HMX1: variants seen among roughly 807,000 people sequenced by gnomAD.
The protein encoded by HMX1 is H6 family homeobox 1.
Under a neutral mutation model 8.9 loss-of-function variants are expected in HMX1, and 8 were observed. The observed-to-expected ratio is 0.90, with a 90% CI of 0.53 to 1.63. The LOEUF (loss-of-function observed/expected upper bound fraction) is 1.63, where lower values mean the gene tolerates loss of function less well. Ranked by LOEUF, HMX1 falls within the 40% of genes most tolerant of loss-of-function variation. The pLI is 0.00. For synonymous variants in HMX1, 311 were observed against 283.4 expected (o/e 1.10, Z -0.98); for missense variants, 621 against 558.5 (o/e 1.11, Z -1.13).
intron 1 of HMX1, chr4:8,858,589 G>C (rs1721690660): frequency 6.6e-6 from 1 of 152,200 alleles, no homozygotes; most frequent in African/African-American, 2.4e-5. Flanking sequence ...CCCTCGCCCG[G>C]ACGTCATGGG....
In HMX1 at chr4:8,871,744, A is replaced by AGGCGTCGGGCCCCGCC. The variant is rs1560188334; in HGVS notation, c.-131_-130insGGCGGGGCCCGACGCC. 9.9e-7 allele frequency: 1 copy of AGGCGTCGGGCCCCGCC among 1,011,368 alleles called. No individual in the cohort carries two copies. Among genetic ancestry groups the AGGCGTCGGGCCCCGCC allele is most frequent in the Non-Finnish European group, 1.2e-6 (1 of 847,392 alleles). 62.6% of individuals were successfully genotyped at this position (1,011,368 alleles called of 1,614,324 possible). On this transcript the variant is annotated 5_prime_UTR_variant, in exon 1 of 2. Transcript: ENST00000400677. This position sits in a 1 kb window ranked among gnomAD's most constrained non-coding sequence, Gnocchi z 4.8. ...CCGGACCGCTGGCGTCGGGCCCCGCAGGGCAGGCGGCGGCCTCCGCGCCGG... is the reference window on the plus strand; with the variant it reads ...CCGGACCGCTGGCGTCGGGCCCCGCAGGCGTCGGGCCCCGCCGGGCAGGCGGCGGCCTCCGCGCCGG...
chr4:8,862,188 G>C (rs1269199353), downstream of HMX1, among the ~76,000 whole-genome samples: 1 of 152,256 alleles, frequency 6.6e-6, no homozygotes, highest in African/African-American at 2.4e-5. Context: ...TCATTCTACA[G>C]AGACCACGTT....
Position 8,871,276 on chromosome 4 carries a change from T to G in HMX1, c.339A>C (p.Ala113=). The change falls in exon 1 of 2, where the codon GCA becomes GCC. Residue 113 remains alanine (A), a synonymous_variant. Coordinates refer to ENST00000400677, the MANE Select transcript of HMX1 (RefSeq NM_018942.3). This position sits in a 1 kb window ranked among gnomAD's most constrained non-coding sequence, Gnocchi z 4.8. The stretch of plus-strand genomic sequence containing the variant: ...CGTGCGCCCGTGGGTACCAGCGCGC[T>G]GCGCCTCCGCAGCCCAGAGCGAAGG... ...GPPFALGCGG[A]ARWYPRAHGG... is the part of the protein sequence containing the mutation. 1 of 1,480,084 alleles carries G rather than the reference T, an allele frequency of 6.8e-7. No individual in the cohort carries two copies. Among genetic ancestry groups the G allele is most frequent in the Non-Finnish European group, 8.9e-7 (1 of 1,121,810 alleles). 91.7% of individuals were successfully genotyped at this position (1,480,084 alleles called of 1,614,324 possible).
chr4:8,868,987 C>T lies in HMX1; in HGVS notation c.395-642G>A, dbSNP rs944482132. On this transcript the variant is annotated intron_variant, in intron 1 of 1. Transcript: ENST00000400677. The surrounding 1 kb of genome is among the most constrained non-coding windows in gnomAD (Gnocchi z 4.6). ...GAACTCCCATCAGGTGAGGCTGTCA[C>T]CCCCACACCACATACTCCTGTAGCC... Among the ~76,000 whole-genome samples, 2 of 152,200 alleles carry T rather than the reference C, an allele frequency of 1.3e-5. No homozygotes were observed. Among genetic ancestry groups the T allele is most frequent in the African/African-American group, 4.8e-5 (2 of 41,452 alleles).
At chr4:8,846,200 A>T in exon 2 of HMX1, 1 of 1,429,888 alleles carries the variant, frequency 7.0e-7, no homozygotes, top group Non-Finnish European at 9.5e-7. Context: ...TGCACCATCC[A>T]GTCCCTGCGG....
In HMX1 at chr4:8,868,289, A is replaced by C. The variant is rs1438301632; in HGVS notation, c.451T>G (p.Trp151Gly). Reference sequence around the variant, plus strand: ...GCTCCCGGCCCGGGGCCTCGCGGCCAGGCGCCCTCCGCACGGCCCATCTCC... The same window carrying C: ...GCTCCCGGCCCGGGGCCTCGCGGCCCGGCGCCCTCCGCACGGCCCATCTCC... ...GEEMGRAEGA[W>G]PRGPGPGAVQ... The change falls in exon 2 of 2, where the codon TGG (tryptophan) becomes GGG (glycine). Residue 151 changes from tryptophan to glycine, a missense_variant. Trp to Gly is a radical substitution (Grantham distance 184). Coordinates refer to ENST00000400677, the MANE Select transcript of HMX1 (RefSeq NM_018942.3). The surrounding 1 kb of genome is among the most constrained non-coding windows in gnomAD (Gnocchi z 4.6). 1 of 1,441,192 alleles carries C rather than the reference A, an allele frequency of 6.9e-7. No individual in the cohort carries two copies. The highest frequency in any genetic ancestry group is 9.1e-7 in the Non-Finnish European group (1 of 1,103,254). The allele number at this position is 1,441,192 out of a possible 1,614,324, so 89.3% of individuals were successfully genotyped here.
chr4:8,863,732 C>G (rs1479138218), downstream of HMX1, among the ~76,000 whole-genome samples: 4 of 152,264 alleles, frequency 2.6e-5, no homozygotes, highest in Non-Finnish European at 2.9e-5. Context: ...TTGCTGCCTG[C>G]TCTCTCGGCC....
chr4:8,860,088 G>A (rs1016641477), intron 1 of HMX1, among the ~76,000 whole-genome samples: 1 of 152,256 alleles, frequency 6.6e-6, no homozygotes, highest in Non-Finnish European at 1.5e-5. Context: ...AGTTCGTGGA[G>A]CGCCGTTGCG....
chr4:8,849,747 T>A lies in HMX1; in HGVS notation c.395-3423A>T, dbSNP rs1721387209. 6.6e-6 allele frequency among the ~76,000 whole-genome samples: 1 copy of A among 152,158 alleles called. No homozygotes were observed. The highest frequency in any genetic ancestry group is 1.5e-5 in the Non-Finnish European group (1 of 68,006). ...CTCCCTCTCTTCCAATCCTCTGCCC[T>A]TGCTGGGTAGGGCAGGAAGAAATGG... On this transcript the variant is annotated intron_variant, in intron 1 of 1. Transcript: ENST00000506970. The surrounding 1 kb of genome is among the most constrained non-coding windows in gnomAD (Gnocchi z 6.6).
rs1319561618 is a variant in HMX1, at chr4:8,867,102, A to C, written c.*591T>G. ...GCAAATAAGTAGATTCATTTAAAAA[A>C]ACAACAACCCGGAGGCTGCGACGTC... is the stretch of plus-strand genomic sequence containing the variant. On this transcript the variant is annotated 3_prime_UTR_variant, in exon 2 of 2. Transcript: ENST00000400677. 4 of 985,340 alleles carry C rather than the reference A, an allele frequency of 4.1e-6. No homozygotes were observed. The highest frequency in any genetic ancestry group is 4.8e-6 in the Non-Finnish European group (4 of 829,950). 61.0% of individuals were successfully genotyped at this position (985,340 alleles called of 1,614,324 possible). A position where few individuals can be genotyped will look rare whatever the true frequency, so the allele number is the denominator to read the frequency against.
Position 8,868,106 on chromosome 4 carries a change from G to C in HMX1, c.634C>G (p.Arg212Gly). Residue 212 changes from arginine (R) to glycine (G), a missense_variant, in exon 2 of 2, where the codon CGC (arginine) becomes GGC (glycine). Coordinates refer to ENST00000400677, the MANE Select transcript of HMX1 (RefSeq NM_018942.3). The surrounding 1 kb of genome is among the most constrained non-coding windows in gnomAD (Gnocchi z 4.6). ...GATTCCAGCTGGAAGACCTGGCTGC[G>C]GGAGAAGACTGTGCGCGTCTTCTTC... ...RKKKTRTVFS[R>G]SQVFQLESTF... 1 of 1,513,528 alleles carries C rather than the reference G, an allele frequency of 6.6e-7. No homozygotes were observed. The highest frequency in any genetic ancestry group is 8.8e-7 in the Non-Finnish European group (1 of 1,133,172). 93.8% of individuals were successfully genotyped at this position (1,513,528 alleles called of 1,614,324 possible). A position where few individuals can be genotyped will look rare whatever the true frequency, so the allele number is the denominator to read the frequency against.
In HMX1 at chr4:8,870,053, AG is replaced by A. The variant is rs1722160200; in HGVS notation, c.394+1167del. Among the ~76,000 whole-genome samples the A allele has an allele frequency of 6.6e-6, 1 of 151,960 alleles. No individual in the cohort carries two copies. The highest frequency in any genetic ancestry group is 2.4e-5 in the African/African-American group (1 of 41,350). On this transcript the variant is annotated intron_variant, in intron 1 of 1. Coordinates refer to ENST00000400677, the MANE Select transcript of HMX1 (RefSeq NM_018942.3). The surrounding 1 kb of genome is among the most constrained non-coding windows in gnomAD (Gnocchi z 4.4). ...TGCCGAGATGTGGGGGCTTTTGCAA[AG>A]GATCACTCCACGACATGGAAAGGGT...
chr4:8,861,883 A>C (rs1577197382), intron 1 of HMX1, among the ~76,000 whole-genome samples: 1 of 152,348 alleles, frequency 6.6e-6, no homozygotes, highest in Middle Eastern at 3.4e-3. Flanking sequence ...AAGACAACGC[A>C]CCCGGGACCA....
downstream of HMX1, among the ~76,000 whole-genome samples, chr4:8,864,567 G>C (rs760423056): frequency 5.3e-5 from 8 of 152,222 alleles, no homozygotes; most frequent in Non-Finnish European, 8.8e-5. Flanking sequence ...AGAGGGGCCA[G>C]GCGTACCCCC....
At chr4:8,865,836 G>C (rs1390702853), downstream of HMX1, among the ~76,000 whole-genome samples, 1 of 152,222 alleles carries the variant, frequency 6.6e-6, no homozygotes, top group East Asian at 1.9e-4. Flanking sequence ...GGTTTAGCCA[G>C]GAAAGCAGTT....
rs1012048051 is a variant in HMX1, at chr4:8,853,951, T to C, written c.395-7627A>G. On this transcript the variant is annotated intron_variant, in intron 1 of 1. Transcript: ENST00000506970. This position sits in a 1 kb window ranked among gnomAD's most constrained non-coding sequence, Gnocchi z 4.7. ...TTTTTAATCTTTTTATAAAGCTTTT[T>C]GCTTTTGCGTTTACATCTTGAACCA... Among the ~76,000 whole-genome samples the C allele has an allele frequency of 3.9e-5, 6 of 152,358 alleles. No individual in the cohort carries two copies. Among genetic ancestry groups the C allele is most frequent in the Non-Finnish European group, 7.3e-5 (5 of 68,030 alleles).
At chr4:8,861,849 C>T (rs1336299005) in intron 1 of HMX1, among the ~76,000 whole-genome samples, 1 of 152,248 alleles carries the variant, frequency 6.6e-6, no homozygotes, top group African/African-American at 2.4e-5. Context: ...ACGCCGAGTG[C>T]GTCAAGGAAG....
chr4:8,856,805 C>G (rs1354550559), intron 1 of HMX1, among the ~76,000 whole-genome samples: 1 of 152,216 alleles, frequency 6.6e-6, no homozygotes, highest in Non-Finnish European at 1.5e-5. Flanking sequence ...ATCAAAAACT[C>G]TGGTCGGGCG....
rs1015704520 is a variant in HMX1 at position 8,848,521 on chromosome 4, A to G, written c.395-2197T>C. On this transcript the variant is annotated intron_variant, in intron 1 of 1. Transcript: ENST00000506970. This position sits in a 1 kb window ranked among gnomAD's most constrained non-coding sequence, Gnocchi z 4.1. Reference sequence around the variant, plus strand: ...TCAATCCCCTTGTTTTACAAATAGGAAACCTGAGGCCAGAGAAGGCAAGTA... The same window carrying G: ...TCAATCCCCTTGTTTTACAAATAGGGAACCTGAGGCCAGAGAAGGCAAGTA... 6.6e-6 allele frequency among the ~76,000 whole-genome samples: 1 copy of G among 152,210 alleles called. No homozygotes were observed. Among genetic ancestry groups the G allele is most frequent in the Admixed American group, 6.5e-5 (1 of 15,286 alleles).
Sources: allele counts gnomAD v4.1 joint callset (sites outside exome capture counted in the v4.1 genomes callset), GRCh38; gene constraint gnomAD v4.1.1; non-coding constraint Gnocchi (gnomAD v3.1); transcripts MANE v1.5; gene names NCBI Gene and HGNC (gene_info 2026-07-23, HGNC 2026-07-21).